ZNF100: variants seen among roughly 807,000 people sequenced by gnomAD.
ZNF100 encodes the protein zinc finger protein 100 (Y1).
ZNF100 carries 12 observed loss-of-function variants against 15.8 expected under a neutral mutation model. That is an observed-to-expected ratio of 0.76 (90% CI 0.49 to 1.23). The LOEUF is 1.23. Ranked by LOEUF, ZNF100 falls within the 50% of genes most tolerant of loss-of-function variation. The pLI, the probability that ZNF100 is intolerant of heterozygous loss-of-function variation, is 0.00. For synonymous variants in ZNF100, 226 were observed against 214.8 expected (o/e 1.05, Z -0.45); for missense variants, 670 against 635.6 (o/e 1.05, Z -0.58).
In ZNF100 at chr19:21,765,720, G is replaced by A. The variant is rs1203431457; in HGVS notation, c.70C>T (p.Leu24Phe). ...TTTTCAAAATAAGACTGCACCAGAA[G>A]ACTCCTCTCAGCCCCAGGGCATCCA... is the stretch of plus-strand genomic sequence containing the variant. ...ASGCPGAERSLLVQSYFEKGP... is the reference protein window; with the variant it reads ...ASGCPGAERSFLVQSYFEKGP... The change falls in exon 2 of 5, where the codon CTT (leucine) becomes TTT (phenylalanine). Residue 24 changes from leucine to phenylalanine, a missense_variant. By Grantham distance (22) the Leu-to-Phe change is conservative. Transcript: ENST00000358296. 1 of 1,614,130 alleles carries A rather than the reference G, an allele frequency of 6.2e-7. No homozygotes were observed. The highest frequency in any genetic ancestry group is 1.1e-5 in the South Asian group (1 of 91,080).
intron 2 of ZNF100, among the ~76,000 whole-genome samples, chr19:21,759,416 T>A (rs1179828385): frequency 6.6e-6 from 1 of 152,210 alleles, no homozygotes; most frequent in Non-Finnish European, 1.5e-5. Context: ...AAAGAAACAC[T>A]CTTCCATTAT....
intron 1 of ZNF100, among the ~76,000 whole-genome samples, chr19:21,767,045 T>C (rs1373067799): frequency 6.6e-6 from 1 of 152,102 alleles, no homozygotes; most frequent in Non-Finnish European, 1.5e-5. Context: ...ACATTTTTAA[T>C]AGGAGAAAAG....
chr19:21,730,666 A>G (rs1199263066), intron 4 of ZNF100, among the ~76,000 whole-genome samples: 1 of 152,182 alleles, frequency 6.6e-6, no homozygotes, highest in Non-Finnish European at 1.5e-5. Flanking sequence ...TAACAGAGGT[A>G]TAGAGAAGAT....
In ZNF100 at chr19:21,726,398, A is replaced by C; in HGVS notation, c.*285T>G. ...CTCCAGTATAACTTACCTTACCTAC[A>C]ATCAAGTGTGACAACCATTTAAAAC... On this transcript the variant is annotated 3_prime_UTR_variant, in exon 5 of 5. Coordinates refer to ENST00000358296, the MANE Select transcript of ZNF100 (RefSeq NM_173531.4). 2.8e-6 allele frequency: 1 copy of C among 362,390 alleles called. No homozygotes were observed. Among genetic ancestry groups the C allele is most frequent in the South Asian group, 5.5e-5 (1 of 18,224 alleles). 22.4% of individuals were successfully genotyped at this position (362,390 alleles called of 1,614,324 possible).
intron 2 of ZNF100, among the ~76,000 whole-genome samples, chr19:21,760,144 T>C (rs2036457043): frequency 6.8e-6 from 1 of 147,484 alleles, no homozygotes; most frequent in African/African-American, 2.5e-5. Context: ...ATCGAGCCAT[T>C]GTACTCTAGC....
At chr19:21,761,886 C>T (rs929498002) in intron 2 of ZNF100, among the ~76,000 whole-genome samples, 1 of 152,220 alleles carries the variant, frequency 6.6e-6, no homozygotes, top group Non-Finnish European at 1.5e-5. Context: ...AGAGTTGAGT[C>T]TGTGGCTAGA....
intron 4 of ZNF100, among the ~76,000 whole-genome samples, chr19:21,739,840 A>T (rs4372817): frequency 0.85 from 129,778 of 151,894 alleles, 55,989 homozygotes; most frequent in Non-Finnish European, 0.92. Context: ...AAAATAAAAT[A>T]AAATTAAATT....
intron 2 of ZNF100, among the ~76,000 whole-genome samples, chr19:21,756,437 C>A (rs1468629008): frequency 6.6e-6 from 1 of 151,992 alleles, no homozygotes; most frequent in Non-Finnish European, 1.5e-5. Context: ...CTCTGTACAT[C>A]AACAACATCC....
At chr19:21,758,948 C>T (rs1011477028) in intron 2 of ZNF100, among the ~76,000 whole-genome samples, 1 of 152,174 alleles carries the variant, frequency 6.6e-6, no homozygotes, top group Non-Finnish European at 1.5e-5. Context: ...CAGGCCAGGT[C>T]TCCATGATAT....
At chr19:21,751,832 A>G (rs2036312110) in intron 2 of ZNF100, 1 of 910,074 alleles carries the variant, frequency 1.1e-6, no homozygotes, top group African/African-American at 1.7e-5. Context: ...ATGTGAAGAC[A>G]AAGACTTGTG....
At chr19:21,760,944 C>T (rs770900552) in intron 2 of ZNF100, among the ~76,000 whole-genome samples, 9 of 151,472 alleles carry the variant, frequency 5.9e-5, no homozygotes, top group Admixed American at 1.3e-4. Flanking sequence ...ATTTTTAGTA[C>T]AGACAGGGTT....
At chr19:21,729,066 C>T (rs1302423170) in intron 4 of ZNF100, among the ~76,000 whole-genome samples, 1 of 151,898 alleles carries the variant, frequency 6.6e-6, no homozygotes, top group Non-Finnish European at 1.5e-5. Flanking sequence ...CATATATAAG[C>T]ACAATTTCAA....
chr19:21,735,553 A>G (rs1172670425), intron 4 of ZNF100, among the ~76,000 whole-genome samples: 2 of 151,678 alleles, frequency 1.3e-5, no homozygotes, highest in Non-Finnish European at 2.9e-5. Flanking sequence ...TAAAGAGTCA[A>G]CTCACTGGTG....
intron 2 of ZNF100, among the ~76,000 whole-genome samples, chr19:21,747,067 T>G (rs1309531393): frequency 6.6e-6 from 1 of 152,124 alleles, no homozygotes; most frequent in African/African-American, 2.4e-5. Flanking sequence ...TGTAAAAATG[T>G]AAGTTTCTCC....
At chr19:21,766,399 G>T (rs2036561743) in intron 1 of ZNF100, among the ~76,000 whole-genome samples, 2 of 121,646 alleles carry the variant, frequency 1.6e-5, no homozygotes, top group African/African-American at 5.9e-5. Flanking sequence ...GGTGTCTCTA[G>T]TCCCTGGGTT....
chr19:21,752,679 G>T (rs2036328389), intron 2 of ZNF100: 3 of 152,398 alleles, frequency 2.0e-5, no homozygotes, highest in African/African-American at 7.2e-5. Flanking sequence ...TGTATTAAAA[G>T]ATATTTTCAT....
intron 4 of ZNF100, among the ~76,000 whole-genome samples, chr19:21,732,633 T>C (rs1331642049): frequency 6.7e-6 from 1 of 149,220 alleles, no homozygotes; most frequent in Non-Finnish European, 1.5e-5. Flanking sequence ...AATATATATA[T>C]ATATAATATA....
chr19:21,755,992 T>C (rs1331494228), intron 2 of ZNF100, among the ~76,000 whole-genome samples: 2 of 152,162 alleles, frequency 1.3e-5, no homozygotes, highest in African/African-American at 4.8e-5. Flanking sequence ...CAAACCACCA[T>C]GGCACACATA....
Position 21,727,232 on chromosome 19 carries a change from A to T in ZNF100, c.1080T>A (p.Leu360=), listed in dbSNP as rs780664260. The change falls in exon 5 of 5, where the codon CTT becomes CTA. Residue 360 remains leucine, a synonymous_variant. Coordinates refer to ENST00000358296, the MANE Select transcript of ZNF100 (RefSeq NM_173531.4). ...CAGCATGAGTTATCTTATGTGTAGT[A>T]AGGGTTGAGGACTGGTTAAAGGCTT... is the stretch of plus-strand genomic sequence containing the variant. ...CGKAFNQSST[L]TTHKITHAGE... 1 of 1,613,138 alleles carries T rather than the reference A, an allele frequency of 6.2e-7. No homozygotes were observed. Among genetic ancestry groups the T allele is most frequent in the South Asian group, 1.1e-5 (1 of 91,050 alleles).
Sources: allele counts gnomAD v4.1 joint callset (sites outside exome capture counted in the v4.1 genomes callset), GRCh38; gene constraint gnomAD v4.1.1; transcripts MANE v1.5; gene names NCBI Gene and HGNC (gene_info 2026-07-23, HGNC 2026-07-21).